KIF13A: variants seen among roughly 807,000 people sequenced by gnomAD.
The protein encoded by KIF13A is kinesin-like protein KIF13A.
In KIF13A, 79 loss-of-function variants were observed where a neutral mutation model predicts 212.2. That is an observed-to-expected ratio of 0.37 (90% confidence interval 0.31 to 0.45). KIF13A has a LOEUF of 0.45. Among genes scored for constraint, KIF13A ranks in the 20% least tolerant of loss-of-function variants. The pLI is 1.00. For missense variants in KIF13A, 1,901 were observed against 2,209.0 expected, an observed-to-expected ratio of 0.86 and a Z score of 2.79; for synonymous variants, 789 against 808.6, an observed-to-expected ratio of 0.98 and a Z score of 0.41.
In KIF13A at chr6:17,811,847, TTCTC is replaced by T. The variant is rs151222298; in HGVS notation, c.2001-2921_2001-2918del. Among the ~76,000 whole-genome samples the T allele has an allele frequency of 6.0e-5, 9 of 151,136 alleles. No individual in the cohort carries two copies. Among genetic ancestry groups the T allele is most frequent in the Middle Eastern group, 3.4e-3 (1 of 294 alleles). On this transcript the variant is annotated intron_variant, in intron 17 of 38. Transcript: ENST00000259711. The surrounding 1 kb of genome is among the most constrained non-coding windows in gnomAD (Gnocchi z 6.0). ...TCTCCCTCCCTTTTTCTTTCTTTCC[TTCTC>T]TCTCTCTCTTTTTCTTGGAGATAGG...
Position 17,915,356 on chromosome 6 carries a change from T to C in KIF13A, c.147-17176A>G, listed in dbSNP as rs986409867. The stretch of plus-strand genomic sequence containing the variant: ...TGCCTCAGTTACCTCACCTGTCAAA[T>C]AGAGCTGGTGTGGGGTTAAGTGAAT... On this transcript the variant is annotated intron_variant, in intron 2 of 38. Transcript: ENST00000259711. The surrounding 1 kb of genome is among the most constrained non-coding windows in gnomAD (Gnocchi z 4.4). Among the ~76,000 whole-genome samples, 3 of 152,176 alleles carry C rather than the reference T, an allele frequency of 2.0e-5. No individual in the cohort carries two copies. The highest frequency in any genetic ancestry group is 4.4e-5 in the Non-Finnish European group (3 of 68,010).
intron 28 of KIF13A, among the ~76,000 whole-genome samples, chr6:17,784,180 G>A (rs1320048973): frequency 6.6e-6 from 1 of 152,216 alleles, no homozygotes; most frequent in Non-Finnish European, 1.5e-5. Context: ...AGCACTTTGG[G>A]AGGCAAAGGC....
intron 23 of KIF13A, among the ~76,000 whole-genome samples, chr6:17,795,552 A>ATG (rs1761961584): frequency 6.7e-6 from 1 of 150,286 alleles, no homozygotes; most frequent in Non-Finnish European, 1.5e-5. Context: ...CTAAGATCGC[A>ATG]CCACTGCACA....
Position 17,787,311 on chromosome 6 carries a change from A to G in KIF13A, c.3361+465T>C, listed in dbSNP as rs115851770. Among the ~76,000 whole-genome samples, 1,509 of 152,306 alleles carry G rather than the reference A, an allele frequency of 9.9e-3. 32 individuals carry two copies. Among genetic ancestry groups the G allele is most frequent in the African/African-American group, 0.034 (1,412 of 41,564 alleles). On this transcript the variant is annotated intron_variant, in intron 27 of 38. Coordinates refer to ENST00000259711, the MANE Select transcript of KIF13A (RefSeq NM_022113.6). The surrounding 1 kb of genome is among the most constrained non-coding windows in gnomAD (Gnocchi z 4.6). Reference sequence around the variant, plus strand: ...TTCAAATTTGGAGGCCTCTTAAACCAACAATGTATAATATGATTGACTGAT... The same window carrying G: ...TTCAAATTTGGAGGCCTCTTAAACCGACAATGTATAATATGATTGACTGAT...
Position 17,816,859 on chromosome 6 carries a change from G to A in KIF13A, c.2000+161C>T, listed in dbSNP as rs192639365. Among the ~76,000 whole-genome samples, 1 of 152,278 alleles carries A rather than the reference G, an allele frequency of 6.6e-6. No homozygotes were observed. Among genetic ancestry groups the A allele is most frequent in the African/African-American group, 2.4e-5 (1 of 41,556 alleles). On this transcript the variant is annotated intron_variant, in intron 17 of 38. Transcript: ENST00000259711. The surrounding 1 kb of genome is among the most constrained non-coding windows in gnomAD (Gnocchi z 4.3). ...ACATTATAGTAAACATACTTAGGGT[G>A]GACAATATTTGTGAAAGGAAAAGCT... is the stretch of plus-strand genomic sequence containing the variant.
At chr6:17,925,749 T>G (rs1366587984) in intron 2 of KIF13A, among the ~76,000 whole-genome samples, 2 of 152,214 alleles carry the variant, frequency 1.3e-5, no homozygotes, top group African/African-American at 4.8e-5. Context: ...TTAGCAGCAG[T>G]TATTCTGTGA....
At chr6:17,810,989 C>A (rs1279894131) in intron 17 of KIF13A, among the ~76,000 whole-genome samples, 1 of 152,180 alleles carries the variant, frequency 6.6e-6, no homozygotes, top group Admixed American at 6.5e-5. Flanking sequence ...GGATTGGGGA[C>A]CCCTGTTCTA....
rs1464661151 is a variant in KIF13A at position 17,947,840 on chromosome 6, C to G, written c.146+39214G>C. 7.3e-6 allele frequency among the ~76,000 whole-genome samples: 1 copy of G among 137,300 alleles called. No homozygotes were observed. Among genetic ancestry groups the G allele is most frequent in the Admixed American group, 7.3e-5 (1 of 13,608 alleles). 90.1% of individuals were successfully genotyped at this position (137,300 alleles called of 152,430 possible). On this transcript the variant is annotated intron_variant, in intron 2 of 38. Coordinates refer to ENST00000259711, the MANE Select transcript of KIF13A (RefSeq NM_022113.6). The surrounding 1 kb of genome is among the most constrained non-coding windows in gnomAD (Gnocchi z 4.6). The stretch of plus-strand genomic sequence containing the variant: ...TGTGTGACAAGAGCAAAACTCTGCT[C>G]AAAAAAAAAAAGAAAGCACACCAAG...
chr6:17,897,328 C>T lies in KIF13A; in HGVS notation c.159+840G>A, dbSNP rs964921051. 1.3e-5 allele frequency among the ~76,000 whole-genome samples: 2 copies of T among 152,168 alleles called. No individual in the cohort carries two copies. The highest frequency in any genetic ancestry group is 4.8e-5 in the African/African-American group (2 of 41,436). On this transcript the variant is annotated intron_variant, in intron 3 of 38. Transcript: ENST00000259711. This position sits in a 1 kb window ranked among gnomAD's most constrained non-coding sequence, Gnocchi z 4.8. ...TTGTGTAGGTAAAGCCTGTTCTAAT[C>T]CTATCTCAAGAACCACAGCTATAAT...
In KIF13A at chr6:17,828,183, TCTC is replaced by T. The variant is rs1185618226; in HGVS notation, c.1532+54_1532+56del. ...GAAAGCAAACAGAAAGAGGCAGCCTTCTCCTTCTGAAAATAAGGCACACAAGAC... is the reference window on the plus strand; with the variant it reads ...GAAAGCAAACAGAAAGAGGCAGCCTTCTTCTGAAAATAAGGCACACAAGAC... On this transcript the variant is annotated intron_variant, in intron 14 of 38. Coordinates refer to ENST00000259711, the MANE Select transcript of KIF13A (RefSeq NM_022113.6). This position sits in a 1 kb window ranked among gnomAD's most constrained non-coding sequence, Gnocchi z 4.3. 4.5e-6 allele frequency: 7 copies of T among 1,550,890 alleles called. No homozygotes were observed. The highest frequency in any genetic ancestry group is 1.7e-4 in the Middle Eastern group (1 of 5,878).
intron 2 of KIF13A, among the ~76,000 whole-genome samples, chr6:17,916,679 A>G (rs757210712): frequency 3.3e-5 from 5 of 152,222 alleles, no homozygotes; most frequent in Admixed American, 6.5e-5. Context: ...AGTCTCCTCA[A>G]ATTGTATAGG....
In KIF13A at chr6:17,773,645, A is replaced by T; in HGVS notation, c.4219-62T>A. 1 of 917,800 alleles carries T rather than the reference A, an allele frequency of 1.1e-6. No homozygotes were observed. Among genetic ancestry groups the T allele is most frequent in the Admixed American group, 2.4e-5 (1 of 41,668 alleles). 56.9% of individuals were successfully genotyped at this position (917,800 alleles called of 1,614,324 possible). ...CACTCCAAAATAAGAAATAAAGCCC[A>T]GGTTGGAGTTTCTTCTGTTTTTTTT... On this transcript the variant is annotated intron_variant, in intron 35 of 38. Transcript: ENST00000259711. This position sits in a 1 kb window ranked among gnomAD's most constrained non-coding sequence, Gnocchi z 4.2.
At position 17,785,833 on chromosome 6, in the gene KIF13A, C is replaced by T. The variant is rs1231236396; in HGVS notation, c.3362-192G>A. Reference sequence around the variant, plus strand: ...TCAGGCAGCTGAGGTGGGAAGATCACTTGAGCCTGGGAGTTCAAGGCTACA... The same window carrying T: ...TCAGGCAGCTGAGGTGGGAAGATCATTTGAGCCTGGGAGTTCAAGGCTACA... On this transcript the variant is annotated intron_variant, in intron 27 of 38. Transcript: ENST00000259711. This position sits in a 1 kb window ranked among gnomAD's most constrained non-coding sequence, Gnocchi z 5.8. 6.6e-6 allele frequency among the ~76,000 whole-genome samples: 1 copy of T among 152,000 alleles called. No homozygotes were observed. The highest frequency in any genetic ancestry group is 6.6e-5 in the Admixed American group (1 of 15,248).
chr6:17,939,418 T>G (rs902189330), intron 2 of KIF13A, among the ~76,000 whole-genome samples: 1 of 152,234 alleles, frequency 6.6e-6, no homozygotes, highest in African/African-American at 2.4e-5. Flanking sequence ...TTCAACAGTC[T>G]TGCTGTCACT....
At chr6:17,965,918 G>A (rs558500858) in intron 2 of KIF13A, among the ~76,000 whole-genome samples, 5 of 152,220 alleles carry the variant, frequency 3.3e-5, no homozygotes, top group Non-Finnish European at 7.3e-5. Flanking sequence ...GTTCACGCCT[G>A]TAATCCCAGC....
chr6:17,888,242 G>C lies in KIF13A; in HGVS notation c.159+9926C>G, dbSNP rs1426438216. Among the ~76,000 whole-genome samples the C allele has an allele frequency of 2.6e-5, 4 of 152,096 alleles. No homozygotes were observed. Among genetic ancestry groups the C allele is most frequent in the African/African-American group, 9.7e-5 (4 of 41,398 alleles). ...CTAGAAAACAAAAACTACTAGTTTAGTCACTCTTGAGCCTAGGAAACAATT... is the reference window on the plus strand; with the variant it reads ...CTAGAAAACAAAAACTACTAGTTTACTCACTCTTGAGCCTAGGAAACAATT... On this transcript the variant is annotated intron_variant, in intron 3 of 38. Coordinates refer to ENST00000259711, the MANE Select transcript of KIF13A (RefSeq NM_022113.6). This position sits in a 1 kb window ranked among gnomAD's most constrained non-coding sequence, Gnocchi z 4.8.
At chr6:17,873,177 G>T (rs1038691445) in intron 4 of KIF13A, 200 bp downstream of exon 4, 3 of 510,876 alleles carry the variant, frequency 5.9e-6, no homozygotes, top group Non-Finnish European at 1.0e-5. Context: ...ATAAAAATCT[G>T]TTCAAGGATT....
chr6:17,941,524 T>TTA (rs1776953848), intron 2 of KIF13A, among the ~76,000 whole-genome samples: 1 of 152,084 alleles, frequency 6.6e-6, no homozygotes, highest in South Asian at 2.1e-4. Context: ...ACCTAATGCA[T>TTA]TATGACTGGT....
At chr6:17,890,665 C>T (rs978023305) in intron 3 of KIF13A, among the ~76,000 whole-genome samples, 2 of 151,032 alleles carry the variant, frequency 1.3e-5, no homozygotes, top group African/African-American at 4.9e-5. Context: ...GTCTTGCTGT[C>T]ACCCAGGCTA....
Sources: gnomAD v4.1 joint callset for allele counts (sites outside exome capture counted in the v4.1 genomes callset) on GRCh38, gnomAD v4.1.1 for gene constraint, Gnocchi (gnomAD v3.1) non-coding constraint, MANE v1.5 for transcripts, NCBI Gene and HGNC (gene_info 2026-07-23, HGNC 2026-07-21) for gene names.